ARHGAP22: variants seen among roughly 807,000 people sequenced by gnomAD.
The protein encoded by ARHGAP22 is Rho GTPase activating protein 22.
In ARHGAP22, 48 loss-of-function variants were observed where a neutral mutation model predicts 59.1. The ratio of observed to expected loss-of-function variants is 0.81; its 90% CI spans 0.64 to 1.03. The LOEUF (loss-of-function observed/expected upper bound fraction) is 1.03, where lower values mean the gene tolerates loss of function less well. Ranked by LOEUF, ARHGAP22 falls within the 50% of genes least tolerant of loss-of-function variation. The pLI, the probability that ARHGAP22 is intolerant of heterozygous loss-of-function variation, is 0.00. For missense variants in ARHGAP22, 1,015 were observed against 958.7 expected (o/e 1.06, Z -0.78); for synonymous variants, 445 against 416.4 (o/e 1.07, Z -0.84).
At chr10:48,642,557 C>T (rs1268483746) in intron 1 of ARHGAP22, among the ~76,000 whole-genome samples, 2 of 152,190 alleles carry the variant, frequency 1.3e-5, no homozygotes, top group African/African-American at 2.4e-5. Flanking sequence ...GAAACTGGAT[C>T]CCTTCCTTAC....
At chr10:48,435,075 C>T in the ARHGAP22 span, 1 of 1,416,384 alleles carries the variant, frequency 7.1e-7, no homozygotes, top group Non-Finnish European at 9.5e-7. Flanking sequence ...GTCGGTTAGT[C>T]ATTGATAGAA....
chr10:48,650,991 T>A (rs1320522764), intron 1 of ARHGAP22, among the ~76,000 whole-genome samples: 1 of 152,202 alleles, frequency 6.6e-6, no homozygotes, highest in African/African-American at 2.4e-5. Flanking sequence ...CCTCACCCCA[T>A]GAATATCTAC....
chr10:48,640,293 A>G (rs1462718346), intron 1 of ARHGAP22, among the ~76,000 whole-genome samples: 1 of 152,202 alleles, frequency 6.6e-6, no homozygotes, highest in Admixed American at 6.5e-5. Flanking sequence ...GACAAAAAAG[A>G]AAAAGACAGG....
chr10:48,480,819 G>A (rs1236233623), intron 3 of ARHGAP22, among the ~76,000 whole-genome samples: 2 of 152,244 alleles, frequency 1.3e-5, no homozygotes, highest in Admixed American at 6.5e-5. Context: ...TGCACACAGC[G>A]AATGAGTGGC....
chr10:48,608,399 G>A (rs2060756305), upstream of ARHGAP22, among the ~76,000 whole-genome samples: 1 of 152,180 alleles, frequency 6.6e-6, no homozygotes, highest in South Asian at 2.1e-4. Flanking sequence ...GAGGTGGGGA[G>A]GTGTGCAGCT....
Position 48,610,578 on chromosome 10 carries a change from G to C in ARHGAP22, c.53-27426C>G, listed in dbSNP as rs563144084. 1.5e-4 allele frequency among the ~76,000 whole-genome samples: 23 copies of C among 152,322 alleles called. No individual in the cohort carries two copies. The East Asian group carries it at 3.9e-3, about 26-fold the overall frequency. The stretch of plus-strand genomic sequence containing the variant: ...GAGGATGCCTAGTGTGGGCTGAATA[G>C]ATGAATGAGTGGTGCCTCAGCTGGG... On this transcript the variant is annotated intron_variant, in intron 1 of 9. Transcript: ENST00000435790.
chr10:48,551,602 C>G (rs937283078), intron 3 of ARHGAP22, among the ~76,000 whole-genome samples: 1 of 152,182 alleles, frequency 6.6e-6, no homozygotes, highest in Non-Finnish European at 1.5e-5. Context: ...GGGAGGAGAC[C>G]GTCACCTCTG....
chr10:48,528,923 T>TTAGTGC (rs2054577751), intron 3 of ARHGAP22, among the ~76,000 whole-genome samples: 1 of 152,188 alleles, frequency 6.6e-6, no homozygotes, highest in Non-Finnish European at 1.5e-5. Context: ...CAAGCAGATG[T>TTAGTGC]TAGTGCTATG....
At chr10:48,434,774 C>T in the ARHGAP22 span, 1 of 905,556 alleles carries the variant, frequency 1.1e-6, no homozygotes, top group South Asian at 2.4e-5. Flanking sequence ...TTTAGTGAGC[C>T]TTCGAAACCC....
At chr10:48,652,413 T>C in exon 1 of ARHGAP22, 1 of 759,234 alleles carries the variant, frequency 1.3e-6, no homozygotes, top group Non-Finnish European at 2.2e-6. Context: ...AAAAGAAATA[T>C]ATTTAGAATG....
At chr10:48,449,957 G>C (rs1456517332) in intron 9 of ARHGAP22, among the ~76,000 whole-genome samples, 1 of 152,238 alleles carries the variant, frequency 6.6e-6, no homozygotes, top group African/African-American at 2.4e-5. Context: ...GCTGCAGACT[G>C]CACACTGACT....
At chr10:48,512,131 C>T (rs2052836415) in intron 3 of ARHGAP22, among the ~76,000 whole-genome samples, 1 of 152,252 alleles carries the variant, frequency 6.6e-6, no homozygotes, top group South Asian at 2.1e-4. Context: ...TTCTTCCAAA[C>T]TGGATTGACT....
the ARHGAP22 span, among the ~76,000 whole-genome samples, chr10:48,440,170 T>TA: frequency 5.3e-5 from 8 of 152,224 alleles, no homozygotes; most frequent in Non-Finnish European, 1.5e-5. Context: ...TCTATTAACT[T>TA]GATCTAAGTG....
chr10:48,557,256 T>A (rs7905247), intron 2 of ARHGAP22, among the ~76,000 whole-genome samples: 108,925 of 151,914 alleles, frequency 0.72, 40,111 homozygotes, highest in East Asian at 0.91. Context: ...ATCTTGGGCG[T>A]TTGCTGTTTC....
At position 48,522,961 on chromosome 10, in the gene ARHGAP22, T is replaced by C. The variant is rs148260933; in HGVS notation, c.322+32502A>G. On this transcript the variant is annotated intron_variant, in intron 3 of 9. Coordinates refer to ENST00000249601, the MANE Select transcript of ARHGAP22 (RefSeq NM_021226.4). ...GTGGGGTCCTGTTTAGGTTTTTAAA[T>C]AGTTAAGTATTATATATGTTATAAG... 9.8e-5 allele frequency among the ~76,000 whole-genome samples: 15 copies of C among 152,354 alleles called. No individual in the cohort carries two copies. The East Asian group carries it at 1.5e-3, about 16-fold the overall frequency.
At chr10:48,459,228 G>A (rs2046891059) in intron 5 of ARHGAP22, among the ~76,000 whole-genome samples, 1 of 152,142 alleles carries the variant, frequency 6.6e-6, no homozygotes, top group Admixed American at 6.5e-5. Flanking sequence ...AGATGGAGGA[G>A]ACTCGCTCTC....
intron 3 of ARHGAP22, among the ~76,000 whole-genome samples, chr10:48,509,572 C>T (rs1268629550): frequency 6.6e-6 from 1 of 152,222 alleles, no homozygotes; most frequent in African/African-American, 2.4e-5. Flanking sequence ...GACAATGGGG[C>T]CTCACAGCAG....
intron 4 of ARHGAP22, among the ~76,000 whole-genome samples, chr10:48,471,138 C>A (rs1460965380): frequency 6.6e-6 from 1 of 152,170 alleles, no homozygotes; most frequent in Non-Finnish European, 1.5e-5. Flanking sequence ...TCCAGAGGAA[C>A]CCAAGGGCAG....
At chr10:48,546,987 A>C (rs990069206) in intron 3 of ARHGAP22, among the ~76,000 whole-genome samples, 1 of 152,206 alleles carries the variant, frequency 6.6e-6, no homozygotes, top group Admixed American at 6.5e-5. Context: ...GTGACTTGTC[A>C]AAACCCACAC....
Sources: allele counts gnomAD v4.1 joint callset (sites outside exome capture counted in the v4.1 genomes callset), GRCh38; gene constraint gnomAD v4.1.1; transcripts MANE v1.5; gene names NCBI Gene and HGNC (gene_info 2026-07-23, HGNC 2026-07-21).